NFATC2: variants seen among roughly 807,000 people sequenced by gnomAD.
NFATC2 encodes the protein nuclear factor of activated T-cells, cytoplasmic 2.
NFATC2 carries 22 observed loss-of-function variants against 87.3 expected under a neutral mutation model. That is an observed-to-expected ratio of 0.25 (90% CI 0.18 to 0.36). NFATC2 has a LOEUF of 0.36. Among genes scored for constraint, NFATC2 ranks in the 10% least tolerant of loss-of-function variants. The pLI is 1.00. For missense variants in NFATC2, 1,149 were observed against 1,259.1 expected (o/e 0.91, Z 1.32); for synonymous variants, 565 against 542.2 (o/e 1.04, Z -0.58).
At chr20:51,465,035 G>C (rs1478498884) in intron 5 of NFATC2, among the ~76,000 whole-genome samples, 2 of 152,024 alleles carry the variant, frequency 1.3e-5, no homozygotes. Flanking sequence ...CCTTCATTCT[G>C]CCTTCAAGTA....
upstream of NFATC2, among the ~76,000 whole-genome samples, chr20:51,546,567 T>C (rs568117572): frequency 6.6e-6 from 1 of 152,260 alleles, no homozygotes; most frequent in South Asian, 2.1e-4. Flanking sequence ...CCCTGGCCTC[T>C]GAGTTTTTCC....
chr20:51,523,057 A>C lies in NFATC2; in HGVS notation c.1160+24T>G. 6 of 1,613,582 alleles carry C rather than the reference A, an allele frequency of 3.7e-6. No individual in the cohort carries two copies. Among genetic ancestry groups the C allele is most frequent in the Non-Finnish European group, 5.1e-6 (6 of 1,179,948 alleles). On this transcript the variant is annotated intron_variant, in intron 2 of 10. Transcript: ENST00000371564. This position sits in a 1 kb window ranked among gnomAD's most constrained non-coding sequence, Gnocchi z 6.9. ...TCTCTTAAAACTAAACCACAGAATC[A>C]ATCATTTTCAAAGCCCTGCTCACCT...
chr20:51,417,292 T>C (rs1339334356), intron 9 of NFATC2, among the ~76,000 whole-genome samples: 1 of 152,072 alleles, frequency 6.6e-6, no homozygotes, highest in South Asian at 2.1e-4. Context: ...ACTTCAACCT[T>C]CCACCTGCCA....
chr20:51,409,222 T>C (rs1213326423), intron 9 of NFATC2, among the ~76,000 whole-genome samples: 1 of 152,208 alleles, frequency 6.6e-6, no homozygotes, highest in Non-Finnish European at 1.5e-5. Context: ...CATGCAACTC[T>C]GCTTGTCAGT....
chr20:51,464,389 TTAAG>T (rs1284578664), intron 5 of NFATC2, among the ~76,000 whole-genome samples: 5 of 152,146 alleles, frequency 3.3e-5, no homozygotes, highest in African/African-American at 9.7e-5. Context: ...CACAGAGTGT[TTAAG>T]TAATCTCCCC....
intron 5 of NFATC2, among the ~76,000 whole-genome samples, chr20:51,457,909 A>C (rs530171882): frequency 1.4e-5 from 2 of 142,020 alleles, no homozygotes; most frequent in East Asian, 4.2e-4. Flanking sequence ...TTTTTGAGAC[A>C]TGGTCTTGCT....
intron 2 of NFATC2, among the ~76,000 whole-genome samples, chr20:51,518,869 T>C (rs7263189): frequency 0.075 from 11,388 of 152,202 alleles, 639 homozygotes; most frequent in African/African-American, 0.16. Context: ...GGTGCAATCA[T>C]AGCTCACTGT....
In NFATC2 at chr20:51,425,526, C is replaced by T. The variant is rs966489084; in HGVS notation, c.2722+6541G>A. 5.3e-5 allele frequency among the ~76,000 whole-genome samples: 8 copies of T among 152,320 alleles called. No homozygotes were observed. In the East Asian group the frequency reaches 1.5e-3, roughly 29 times the overall value. On this transcript the variant is annotated intron_variant, in intron 9 of 10. Coordinates refer to ENST00000371564, the MANE Select transcript of NFATC2 (RefSeq NM_012340.5). ...TCACCCTCTGTCGGCACCAGGAGGC[C>T]CAGCCCTGCCGGGGTCATCGTGGCT...
At chr20:51,540,100 G>C (rs1358648217) in intron 1 of NFATC2, among the ~76,000 whole-genome samples, 1 of 152,170 alleles carries the variant, frequency 6.6e-6, no homozygotes, top group Non-Finnish European at 1.5e-5. Context: ...TGCAACTTCT[G>C]CCTACTGGGT....
intron 1 of NFATC2, among the ~76,000 whole-genome samples, chr20:51,539,309 A>G (rs2076768812): frequency 6.6e-6 from 1 of 152,202 alleles, no homozygotes; most frequent in African/African-American, 2.4e-5. Flanking sequence ...ATATGTTGCC[A>G]TCTGGGACAA....
intron 1 of NFATC2, among the ~76,000 whole-genome samples, chr20:51,530,595 C>G (rs572793560): frequency 6.6e-6 from 1 of 152,144 alleles, no homozygotes; most frequent in African/African-American, 2.4e-5. Context: ...GGTACCTGGC[C>G]TGCATACGAA....
At chr20:51,489,750 A>G (rs1041732315) in intron 3 of NFATC2, among the ~76,000 whole-genome samples, 4 of 152,254 alleles carry the variant, frequency 2.6e-5, no homozygotes, top group African/African-American at 9.6e-5. Context: ...CCATGTACAA[A>G]GAGTCAGATG....
At chr20:51,504,026 T>G (rs1191662943) in intron 3 of NFATC2, among the ~76,000 whole-genome samples, 3 of 150,868 alleles carry the variant, frequency 2.0e-5, no homozygotes, top group Non-Finnish European at 4.4e-5. Context: ...GGGGTTTTTT[T>G]GTTTGCTTGT....
At chr20:51,510,685 G>A (rs553845221) in intron 3 of NFATC2, among the ~76,000 whole-genome samples, 2 of 152,144 alleles carry the variant, frequency 1.3e-5, no homozygotes, top group African/African-American at 2.4e-5. Flanking sequence ...GCAGTGGCAC[G>A]ATCACAGCGG....
chr20:51,463,115 C>A (rs888941502), intron 5 of NFATC2, among the ~76,000 whole-genome samples: 3 of 152,234 alleles, frequency 2.0e-5, no homozygotes, highest in Admixed American at 2.0e-4. Flanking sequence ...CCTGGCTTGG[C>A]CCAGAATGTG....
intron 3 of NFATC2, among the ~76,000 whole-genome samples, chr20:51,477,372 T>A (rs1008166090): frequency 6.6e-6 from 1 of 151,638 alleles, no homozygotes; most frequent in African/African-American, 2.4e-5. Context: ...ACTGACCACA[T>A]CATCACCTCT....
chr20:51,451,792 G>A (rs1985823035), intron 6 of NFATC2, among the ~76,000 whole-genome samples: 1 of 152,158 alleles, frequency 6.6e-6, no homozygotes, highest in Admixed American at 6.5e-5. Flanking sequence ...CACGCCTTAG[G>A]AGAGTCTAAT....
At chr20:51,484,266 C>A (rs1330634846) in intron 3 of NFATC2, among the ~76,000 whole-genome samples, 1 of 152,102 alleles carries the variant, frequency 6.6e-6, no homozygotes, top group Non-Finnish European at 1.5e-5. Flanking sequence ...TTCATTGGAA[C>A]CTGTCCTCAG....
At chr20:51,395,683 A>T (rs1600642851) in intron 10 of NFATC2, among the ~76,000 whole-genome samples, 3 of 108,248 alleles carry the variant, frequency 2.8e-5, no homozygotes, top group African/African-American at 1.5e-4. Context: ...AAGTGAACCG[A>T]TCTTATGTAA....
Sources: allele counts gnomAD v4.1 joint callset (sites outside exome capture counted in the v4.1 genomes callset), GRCh38; gene constraint gnomAD v4.1.1; non-coding constraint Gnocchi (gnomAD v3.1); transcripts MANE v1.5; gene names NCBI Gene and HGNC (gene_info 2026-07-23, HGNC 2026-07-21).